Variants in EYS observed in about 807,000 individuals in gnomAD.
EYS encodes the protein protein eyes shut homolog.
In EYS, 250 loss-of-function variants were observed where a neutral mutation model predicts 282.1. That is an observed-to-expected ratio of 0.89 (90% confidence interval 0.80 to 0.98). The LOEUF is 0.98. EYS is among the 50% of genes least tolerant of loss of function. EYS has a pLI of 0.00. For missense variants in EYS, 4,016 were observed against 3,709.0 expected, an observed-to-expected ratio of 1.08 and a Z score of -2.15; for synonymous variants, 1,355 against 1,282.9, an observed-to-expected ratio of 1.06 and a Z score of -1.20.
At chr6:65,440,901 AAT>A (rs965467855) in intron 5 of EYS, among the ~76,000 whole-genome samples, 55 of 147,174 alleles carry the variant, frequency 3.7e-4, no homozygotes, top group African/African-American at 1.1e-3. Flanking sequence ...GTTTATGTAT[AAT>A]ATATATATAA....
rs184744894 is a variant in EYS, at chr6:64,992,836, C to T, written c.2259+4746G>A. ...GGACAGAGAGCAGTTGGATTGATTC[C>T]GCACTGATGGGGAGTTTGTATTCCT... On this transcript the variant is annotated intron_variant, in intron 14 of 42. Transcript: ENST00000503581. 3.0e-3 allele frequency among the ~76,000 whole-genome samples: 455 copies of T among 151,976 alleles called. 2 individuals carry two copies. The highest frequency in any genetic ancestry group is 8.9e-3 in the African/African-American group (370 of 41,496).
At chr6:65,049,144 T>C (rs1191547337) in intron 13 of EYS, among the ~76,000 whole-genome samples, 3 of 151,886 alleles carry the variant, frequency 2.0e-5, no homozygotes, top group Non-Finnish European at 4.4e-5. Context: ...AATCAAATTC[T>C]ACTTTATAAT....
In EYS at chr6:63,726,601, C is replaced by T. The variant is rs983603381; in HGVS notation, c.8151G>A (p.Lys2717=). 7 of 1,551,056 alleles carry T rather than the reference C, an allele frequency of 4.5e-6. No individual in the cohort carries two copies. In the Admixed American group the frequency reaches 9.8e-5, roughly 22 times the overall value. ...GCTGAAACTGCAATTGAATATGTGT[C>T]TTTTTTCGAACATGAAAGGAAGCAA... The part of the protein sequence containing the change: ...MSFASFHVRK[K]THIQLQFQPL... Residue 2717 remains lysine (K), a synonymous_variant, in exon 42 of 43, where the codon AAG becomes AAA. Transcript: ENST00000503581.
intron 2 of EYS, among the ~76,000 whole-genome samples, chr6:65,571,312 T>C (rs1291318705): frequency 6.6e-6 from 1 of 151,962 alleles, no homozygotes; most frequent in Non-Finnish European, 1.5e-5. Context: ...TATGGCAAGG[T>C]GACCATGAAA....
chr6:64,204,654 T>C (rs887793331), intron 31 of EYS, among the ~76,000 whole-genome samples: 17 of 152,106 alleles, frequency 1.1e-4, no homozygotes, highest in Non-Finnish European at 2.4e-4. Flanking sequence ...TAAACTAACA[T>C]AGAAAATAAT....
chr6:64,094,239 G>T (rs915142623), intron 31 of EYS, among the ~76,000 whole-genome samples: 1 of 152,134 alleles, frequency 6.6e-6, no homozygotes, highest in African/African-American at 2.4e-5. Context: ...GTCTTTGCCT[G>T]GCTTTGGTAT....
At chr6:64,647,075 G>A (rs1768380308) in intron 22 of EYS, among the ~76,000 whole-genome samples, 1 of 152,070 alleles carries the variant, frequency 6.6e-6, no homozygotes, top group South Asian at 2.1e-4. Context: ...CTGTGTAACT[G>A]TGAGACATAT....
chr6:63,774,916 A>G (rs1319728590), intron 40 of EYS, among the ~76,000 whole-genome samples: 5 of 144,862 alleles, frequency 3.5e-5, no homozygotes, highest in African/African-American at 1.3e-4. Flanking sequence ...AAAAAAAAAG[A>G]CACCTACCAA....
chr6:65,509,384 A>G (rs926837050), intron 2 of EYS, among the ~76,000 whole-genome samples: 14 of 152,222 alleles, frequency 9.2e-5, no homozygotes, highest in African/African-American at 3.4e-4. Flanking sequence ...ACTCTGTATC[A>G]TCTCCAATAC....
chr6:65,276,629 C>T (rs1220151279), intron 12 of EYS, among the ~76,000 whole-genome samples: 2 of 152,084 alleles, frequency 1.3e-5, no homozygotes, highest in African/African-American at 4.8e-5. Context: ...TATTACAATG[C>T]TCTTTGATGA....
At chr6:64,773,811 T>C (rs1773597062) in intron 22 of EYS, among the ~76,000 whole-genome samples, 1 of 152,060 alleles carries the variant, frequency 6.6e-6, no homozygotes, top group African/African-American at 2.4e-5. Context: ...TTGCCCACTT[T>C]GTAATGGAGT....
chr6:64,490,817 A>T (rs1159496117), intron 26 of EYS, among the ~76,000 whole-genome samples: 2 of 150,918 alleles, frequency 1.3e-5, no homozygotes, highest in Non-Finnish European at 3.0e-5. Context: ...TTGGAAGAAT[A>T]AAAATGTATT....
chr6:64,895,112 A>C (rs572801532), intron 18 of EYS, among the ~76,000 whole-genome samples: 10 of 152,252 alleles, frequency 6.6e-5, no homozygotes, highest in Admixed American at 4.6e-4. Flanking sequence ...GATTCCAAAC[A>C]TCCCTACTTA....
In EYS at chr6:65,058,293, G is replaced by A. The variant is rs1301230098; in HGVS notation, c.2024-566C>T. Among the ~76,000 whole-genome samples, 4 of 151,984 alleles carry A rather than the reference G, an allele frequency of 2.6e-5. No homozygotes were observed. In the East Asian group the frequency reaches 7.8e-4, roughly 29 times the overall value. On this transcript the variant is annotated intron_variant, in intron 12 of 42. Transcript: ENST00000503581. ...AGCCTCCTGAGTAGCTGGAATTACA[G>A]GCACACACCACCATGCCAGGCTAAT...
chr6:65,020,681 G>A (rs1311143794), intron 13 of EYS, among the ~76,000 whole-genome samples: 2 of 152,162 alleles, frequency 1.3e-5, no homozygotes, highest in African/African-American at 2.4e-5. Flanking sequence ...GATTCTGTGT[G>A]GGGGCTCCAA....
At chr6:65,201,915 C>A (rs990601858) in intron 12 of EYS, among the ~76,000 whole-genome samples, 1 of 152,050 alleles carries the variant, frequency 6.6e-6, no homozygotes, top group South Asian at 2.1e-4. Context: ...GAGTTTGAGG[C>A]CAGCCTGGGC....
intron 15 of EYS, among the ~76,000 whole-genome samples, chr6:64,938,600 T>G (rs1768988027): frequency 6.6e-6 from 1 of 151,616 alleles, no homozygotes; most frequent in South Asian, 2.1e-4. Flanking sequence ...TTACAACAAT[T>G]ATGTTTTTTT....
chr6:65,377,577 A>C (rs12215503), intron 8 of EYS, among the ~76,000 whole-genome samples: 62,670 of 151,812 alleles, frequency 0.41, 13,933 homozygotes, highest in South Asian at 0.51. Flanking sequence ...AAAATCATTG[A>C]ATCAAGGAGC....
In EYS at chr6:65,358,714, G is replaced by A. The variant is rs113352346; in HGVS notation, c.1300-5097C>T. On this transcript the variant is annotated intron_variant, in intron 8 of 42. Coordinates refer to ENST00000503581, the MANE Select transcript of EYS (RefSeq NM_001142800.2). ...TTATCAGAAGTTTCCTCCACCTATA[G>A]GTGAGACTAAACTCATTATCAAATA... Among the ~76,000 whole-genome samples the A allele has an allele frequency of 3.7e-3, 558 of 150,774 alleles. 2 individuals are homozygous for A. Among genetic ancestry groups the A allele is most frequent in the Middle Eastern group, 0.01 (3 of 292 alleles).
Sources: gnomAD v4.1 joint callset for allele counts (sites outside exome capture counted in the v4.1 genomes callset) on GRCh38, gnomAD v4.1.1 for gene constraint, MANE v1.5 for transcripts, NCBI Gene and HGNC (gene_info 2026-07-23, HGNC 2026-07-21) for gene names.